The following FHIT variants were observed in gnomAD, a reference collection of about 807,000 sequenced individuals.
FHIT encodes bis(5'-adenosyl)-triphosphatase.
Under a neutral mutation model 17.9 loss-of-function variants are expected in FHIT, and 19 were observed. That is an observed-to-expected ratio of 1.06 (90% CI 0.74 to 1.56). The LOEUF is 1.56. FHIT is among the 40% of genes most tolerant of loss of function. FHIT has a pLI of 0.00. For synonymous variants in FHIT, 81 were observed against 69.7 expected (o/e 1.16, Z -0.81); for missense variants, 248 against 189.2 (o/e 1.31, Z -1.82).
intron 4 of FHIT, among the ~76,000 whole-genome samples, chr3:60,729,311 G>A (rs1441812873): frequency 6.6e-6 from 1 of 152,200 alleles, no homozygotes; most frequent in African/African-American, 2.4e-5. Context: ...CATTCACTGG[G>A]ACAACCACAG....
At chr3:61,073,103 C>A (rs947837171) in intron 2 of FHIT, among the ~76,000 whole-genome samples, 43 of 152,032 alleles carry the variant, frequency 2.8e-4, no homozygotes, top group African/African-American at 9.2e-4. Flanking sequence ...AAAACAAAAT[C>A]TTGAACAACA....
chr3:61,074,956 C>T (rs187529474), intron 2 of FHIT, among the ~76,000 whole-genome samples: 39 of 152,206 alleles, frequency 2.6e-4, no homozygotes, highest in Admixed American at 7.9e-4. Flanking sequence ...GGATACCAGA[C>T]ACATGGAAAA....
intron 3 of FHIT, among the ~76,000 whole-genome samples, chr3:60,918,116 T>C (rs1416619733): frequency 6.6e-6 from 1 of 152,142 alleles, no homozygotes; most frequent in Non-Finnish European, 1.5e-5. Flanking sequence ...TAAATGGGAG[T>C]TCCCCTGCGC....
At chr3:60,912,435 G>A (rs782348648) in intron 3 of FHIT, among the ~76,000 whole-genome samples, 1 of 152,102 alleles carries the variant, frequency 6.6e-6, no homozygotes, top group African/African-American at 2.4e-5. Context: ...TTATTATAGG[G>A]ATTAAGTGAG....
At chr3:60,251,531 A>T (rs552859681) in intron 5 of FHIT, among the ~76,000 whole-genome samples, 77 of 152,322 alleles carry the variant, frequency 5.1e-4, no homozygotes, top group Non-Finnish European at 8.7e-4. Flanking sequence ...CATCTTTCCA[A>T]TTCCAAAGTT....
chr3:61,191,838 A>G (rs975766812), intron 2 of FHIT, among the ~76,000 whole-genome samples: 1 of 151,850 alleles, frequency 6.6e-6, no homozygotes, highest in South Asian at 2.1e-4. Context: ...GCCAAATTGT[A>G]TTTTCTATGT....
chr3:60,333,209 A>G (rs927918899), intron 5 of FHIT, among the ~76,000 whole-genome samples: 4 of 152,250 alleles, frequency 2.6e-5, no homozygotes, highest in African/African-American at 9.6e-5. Flanking sequence ...TTTGCTTCAG[A>G]GCACTTGTAT....
At chr3:60,390,413 A>C (rs1473502536) in intron 5 of FHIT, among the ~76,000 whole-genome samples, 1 of 114,144 alleles carries the variant, frequency 8.8e-6, no homozygotes, top group Non-Finnish European at 1.9e-5. Flanking sequence ...AAAAAAAAAA[A>C]AAAAAAAAAA....
At chr3:60,828,511 T>C (rs1046408572) in intron 3 of FHIT, among the ~76,000 whole-genome samples, 37 of 152,250 alleles carry the variant, frequency 2.4e-4, no homozygotes, top group African/African-American at 8.7e-4. Context: ...TCCTGGAAGC[T>C]ATTAGAGGAG....
chr3:60,970,823 A>C (rs770891483), intron 3 of FHIT, among the ~76,000 whole-genome samples: 1 of 152,166 alleles, frequency 6.6e-6, no homozygotes, highest in Non-Finnish European at 1.5e-5. Context: ...GATAATTCCC[A>C]ACATATACAA....
intron 3 of FHIT, among the ~76,000 whole-genome samples, chr3:60,964,658 T>C (rs1709625835): frequency 6.6e-6 from 1 of 152,204 alleles, no homozygotes; most frequent in Admixed American, 6.5e-5. Context: ...CATTTGCTTG[T>C]CTGTAAAGGA....
At chr3:59,893,573 G>C (rs1703944196) in intron 8 of FHIT, among the ~76,000 whole-genome samples, 1 of 152,206 alleles carries the variant, frequency 6.6e-6, no homozygotes, top group African/African-American at 2.4e-5. Context: ...TAAGTGCGCT[G>C]AACAGCATTT....
chr3:59,934,709 A>G (rs900879414), intron 7 of FHIT, among the ~76,000 whole-genome samples: 2 of 152,086 alleles, frequency 1.3e-5, no homozygotes, highest in African/African-American at 2.4e-5. Flanking sequence ...AAGCAAACAT[A>G]TCCTTCTTCA....
At chr3:60,480,171 C>A (rs1232098077) in intron 5 of FHIT, among the ~76,000 whole-genome samples, 1 of 152,046 alleles carries the variant, frequency 6.6e-6, no homozygotes, top group East Asian at 1.9e-4. Flanking sequence ...AGAGAGAAAA[C>A]CAGCAGGGGA....
intron 3 of FHIT, among the ~76,000 whole-genome samples, chr3:60,868,115 G>C (rs1024606334): frequency 2.6e-5 from 4 of 152,178 alleles, no homozygotes; most frequent in African/African-American, 9.6e-5. Flanking sequence ...AAAGGCAGCA[G>C]AATGAGCTAC....
chr3:59,763,050 C>T (rs1482533752), intron 8 of FHIT, among the ~76,000 whole-genome samples: 4 of 152,130 alleles, frequency 2.6e-5, no homozygotes, highest in African/African-American at 4.8e-5. Flanking sequence ...TCCCCCCCGC[C>T]GGTGTTTCAG....
intron 5 of FHIT, among the ~76,000 whole-genome samples, chr3:60,198,364 G>A (rs1419393394): frequency 6.6e-6 from 1 of 152,106 alleles, no homozygotes; most frequent in Non-Finnish European, 1.5e-5. Flanking sequence ...TTCATTTTAA[G>A]CTTGGCCCGT....
intron 5 of FHIT, among the ~76,000 whole-genome samples, chr3:60,132,085 C>T (rs890915929): frequency 6.6e-6 from 1 of 152,146 alleles, no homozygotes. Flanking sequence ...TACAGTCGGA[C>T]CTTCACATCT....
At chr3:60,529,334 G>A (rs987234831) in intron 5 of FHIT, among the ~76,000 whole-genome samples, 87 of 152,070 alleles carry the variant, frequency 5.7e-4, no homozygotes, top group African/African-American at 2.0e-3. Context: ...TATTAGGAGA[G>A]GAAAGCTACC....
Sources: allele counts gnomAD v4.1 joint callset (sites outside exome capture counted in the v4.1 genomes callset), GRCh38; gene constraint gnomAD v4.1.1; transcripts MANE v1.5; gene names NCBI Gene and HGNC (gene_info 2026-07-23, HGNC 2026-07-21).